Variants in ARHGAP6 observed in about 807,000 individuals in gnomAD.
The protein encoded by ARHGAP6 is rho GTPase-activating protein 6.
A neutral mutation model predicts 55.7 loss-of-function variants in ARHGAP6; 16 were observed. The ratio of observed to expected loss-of-function variants is 0.29; its 90% CI spans 0.19 to 0.44. The LOEUF (loss-of-function observed/expected upper bound fraction) is 0.44, where lower values mean the gene tolerates loss of function less well. Ranked by LOEUF, ARHGAP6 falls within the 20% of genes least tolerant of loss-of-function variation. The pLI, the probability that ARHGAP6 is intolerant of heterozygous loss-of-function variation, is 1.00. For missense variants in ARHGAP6, 698 were observed against 808.9 expected (o/e 0.86, Z 1.66); for synonymous variants, 382 against 360.9 (o/e 1.06, Z -0.66).
At chrX:11,277,207 T>C (rs144419992) in intron 1 of ARHGAP6, among the ~76,000 whole-genome samples, 9 of 112,243 alleles carry the variant, frequency 8.0e-5, no homozygotes, top group African/African-American at 2.9e-4. Flanking sequence ...CATGTGTCAT[T>C]ACTTCATTCA....
chrX:11,609,888 G>C (rs2052081747), intron 1 of ARHGAP6, among the ~76,000 whole-genome samples: 1 of 112,106 alleles, frequency 8.9e-6, no homozygotes, highest in South Asian at 3.7e-4. Flanking sequence ...AACCCAGGCT[G>C]GCCAACCCAG....
At chrX:11,277,715 A>ATTTTTT (rs1454752310) in intron 1 of ARHGAP6, among the ~76,000 whole-genome samples, 127 of 107,411 alleles carry the variant, frequency 1.2e-3, no homozygotes, top group Middle Eastern at 5.0e-3. Flanking sequence ...TTTTTTAAAA[A>ATTTTTT]AAAATTAGCC....
At chrX:11,555,863 C>T (rs2051315592) in intron 1 of ARHGAP6, among the ~76,000 whole-genome samples, 1 of 111,331 alleles carries the variant, frequency 9.0e-6, no homozygotes, top group Non-Finnish European at 1.9e-5. Flanking sequence ...TGAAGAAAAA[C>T]AAAGAAGCCA....
chrX:11,467,992 G>A (rs5979406), intron 1 of ARHGAP6, among the ~76,000 whole-genome samples: 7,162 of 39,429 alleles, frequency 0.18, 342 homozygotes, highest in East Asian at 0.5. Flanking sequence ...ATGAATGAAT[G>A]AATAAATAAA....
intron 2 of ARHGAP6, among the ~76,000 whole-genome samples, chrX:11,237,361 A>C (rs898740032): frequency 8.9e-6 from 1 of 112,064 alleles, no homozygotes; most frequent in Admixed American, 9.4e-5. Flanking sequence ...TTTTTAGCCC[A>C]CACAAAGTTT....
At chrX:11,492,803 C>G (rs2050584383) in intron 1 of ARHGAP6, among the ~76,000 whole-genome samples, 1 of 112,284 alleles carries the variant, frequency 8.9e-6, no homozygotes, top group Admixed American at 9.4e-5. Context: ...AGAATTGTAG[C>G]TTGGCATATG....
At chrX:11,609,869 C>G (rs374557641) in intron 1 of ARHGAP6, among the ~76,000 whole-genome samples, 2 of 111,982 alleles carry the variant, frequency 1.8e-5, no homozygotes, top group Non-Finnish European at 3.8e-5. Context: ...AATGGAAGAA[C>G]CTGCCAGTAA....
chrX:11,651,995 T>C (rs1233368927), intron 1 of ARHGAP6, among the ~76,000 whole-genome samples: 1 of 112,442 alleles, frequency 8.9e-6, no homozygotes, highest in Non-Finnish European at 1.9e-5. Context: ...GCTTCTTATC[T>C]TGTAAATGTG....
chrX:11,404,768 G>A (rs750266107), intron 1 of ARHGAP6, among the ~76,000 whole-genome samples: 2 of 111,772 alleles, frequency 1.8e-5, no homozygotes, highest in African/African-American at 6.5e-5. Flanking sequence ...TAAATCCTCA[G>A]CGAGCCTGGA....
At chrX:11,487,030 A>G (rs138732085) in intron 1 of ARHGAP6, among the ~76,000 whole-genome samples, 3,070 of 111,580 alleles carry the variant, frequency 0.028, 103 homozygotes, top group African/African-American at 0.096. Flanking sequence ...TGGGAGGACC[A>G]CATTTCTCAC....
intron 1 of ARHGAP6, among the ~76,000 whole-genome samples, chrX:11,368,518 C>T (rs1322930670): frequency 8.9e-6 from 1 of 111,902 alleles, no homozygotes; most frequent in East Asian, 2.8e-4. Context: ...CTTATTCCTC[C>T]TCCAATTCTA....
At chrX:11,196,863 C>T in intron 3 of ARHGAP6, 62 bp downstream of exon 3, 5 of 636,539 alleles carry the variant, frequency 7.9e-6, no homozygotes, top group Non-Finnish European at 1.3e-5. Context: ...TCAATAACCC[C>T]ACCAAATTTA....
chrX:11,630,311 A>G (rs2052346945), intron 1 of ARHGAP6, among the ~76,000 whole-genome samples: 1 of 111,985 alleles, frequency 8.9e-6, no homozygotes, highest in African/African-American at 3.2e-5. Flanking sequence ...TAACCTCTTC[A>G]ATACACTATT....
chrX:11,175,342 C>T lies in ARHGAP6; in HGVS notation c.1629+2758G>A, dbSNP rs148925642. On this transcript the variant is annotated intron_variant, in intron 8 of 12. Coordinates refer to ENST00000337414, the MANE Select transcript of ARHGAP6 (RefSeq NM_013427.3). Reference sequence around the variant, plus strand: ...GAAGCAATGCTTTCCTTATATTTCTCCTGCTGCTTTAATCTTTGGCTATTA... The same window carrying T: ...GAAGCAATGCTTTCCTTATATTTCTTCTGCTGCTTTAATCTTTGGCTATTA... Among the ~76,000 whole-genome samples the T allele has an allele frequency of 8.2e-3, 923 of 112,258 alleles. 9 individuals carry two copies. The highest frequency in any genetic ancestry group is 0.028 in the African/African-American group (854 of 30,897).
At chrX:11,326,809 A>G (rs898658754) in intron 1 of ARHGAP6, among the ~76,000 whole-genome samples, 5 of 112,380 alleles carry the variant, frequency 4.4e-5, no homozygotes, top group Non-Finnish European at 9.4e-5. Flanking sequence ...ATGCCTCATC[A>G]TGAACTAAAC....
intron 9 of ARHGAP6, among the ~76,000 whole-genome samples, chrX:11,168,792 C>T (rs766446061): frequency 1.5e-3 from 171 of 111,584 alleles, no homozygotes; most frequent in African/African-American, 5.4e-3. Flanking sequence ...TTTAATGTTT[C>T]AAGGGAAGTT....
intron 1 of ARHGAP6, among the ~76,000 whole-genome samples, chrX:11,304,675 T>C (rs1471749459): frequency 1.8e-5 from 2 of 109,794 alleles, no homozygotes; most frequent in Admixed American, 1.9e-4. Flanking sequence ...GGCTGAGCCT[T>C]TGTGTACAGT....
chrX:11,209,486 T>C (rs975826579), intron 2 of ARHGAP6, among the ~76,000 whole-genome samples: 2 of 112,350 alleles, frequency 1.8e-5, no homozygotes, highest in Non-Finnish European at 3.8e-5. Flanking sequence ...ATTCAAAATA[T>C]ATGAATATGT....
intron 2 of ARHGAP6, among the ~76,000 whole-genome samples, chrX:11,213,120 T>TGG (rs2147394482): frequency 8.9e-6 from 1 of 112,803 alleles, no homozygotes; most frequent in Admixed American, 9.3e-5. Context: ...CTCGGAATCC[T>TGG]GTCCTGAGGA....
Sources: gnomAD v4.1 joint callset for allele counts (sites outside exome capture counted in the v4.1 genomes callset) on GRCh38, gnomAD v4.1.1 for gene constraint, MANE v1.5 for transcripts, NCBI Gene and HGNC (gene_info 2026-07-23, HGNC 2026-07-21) for gene names.